Variants in IMMP2L observed in about 807,000 individuals in gnomAD.
IMMP2L encodes the protein mitochondrial inner membrane protease subunit 2.
Under a neutral mutation model 19.3 loss-of-function variants are expected in IMMP2L, and 18 were observed. The observed-to-expected ratio is 0.93, with a 90% CI of 0.64 to 1.38. The LOEUF is 1.38. Ranked by LOEUF, IMMP2L falls within the 40% of genes most tolerant of loss-of-function variation. The pLI, the probability that IMMP2L is intolerant of heterozygous loss-of-function variation, is 0.00. For synonymous variants in IMMP2L, 76 were observed against 73.0 expected, an observed-to-expected ratio of 1.04 and a Z score of -0.21; for missense variants, 233 against 218.2, an observed-to-expected ratio of 1.07 and a Z score of -0.43.
intron 3 of IMMP2L, among the ~76,000 whole-genome samples, chr7:111,424,254 G>A (rs963171906): frequency 2.0e-5 from 3 of 151,672 alleles, no homozygotes; most frequent in Non-Finnish European, 4.4e-5. Context: ...CTGTTACAAC[G>A]CAAGTGCACA....
intron 3 of IMMP2L, among the ~76,000 whole-genome samples, chr7:111,158,903 G>A (rs189767874): frequency 2.9e-3 from 447 of 152,092 alleles, no homozygotes; most frequent in Non-Finnish European, 4.6e-3. Flanking sequence ...TTAGAGTATC[G>A]ATGAAATAAA....
chr7:111,389,412 T>C (rs1443062548), intron 3 of IMMP2L, among the ~76,000 whole-genome samples: 1 of 152,110 alleles, frequency 6.6e-6, no homozygotes, highest in African/African-American at 2.4e-5. Flanking sequence ...ATTGTATCAA[T>C]ACTAGTTTCC....
chr7:110,800,390 T>A (rs1801163925), intron 5 of IMMP2L, among the ~76,000 whole-genome samples: 1 of 151,992 alleles, frequency 6.6e-6, no homozygotes. Flanking sequence ...ATAAGCTAAT[T>A]TTCAGGGTTT....
intron 3 of IMMP2L, among the ~76,000 whole-genome samples, chr7:111,187,892 A>G (rs1808446419): frequency 6.6e-6 from 1 of 152,144 alleles, no homozygotes; most frequent in Non-Finnish European, 1.5e-5. Context: ...GTACGTCAAA[A>G]TACTGCCAAG....
intron 3 of IMMP2L, among the ~76,000 whole-genome samples, chr7:110,975,857 A>T (rs1286236243): frequency 6.6e-6 from 1 of 152,180 alleles, no homozygotes; most frequent in African/African-American, 2.4e-5. Context: ...CTAACAGTAT[A>T]TCAGTTTTTC....
At chr7:111,354,319 T>C (rs927417385) in intron 3 of IMMP2L, among the ~76,000 whole-genome samples, 1 of 151,986 alleles carries the variant, frequency 6.6e-6, no homozygotes, top group Non-Finnish European at 1.5e-5. Flanking sequence ...AGAACATATA[T>C]ATTACCATCT....
chr7:111,493,835 C>T (rs1483909922), intron 2 of IMMP2L, among the ~76,000 whole-genome samples: 1 of 150,020 alleles, frequency 6.7e-6, no homozygotes, highest in Non-Finnish European at 1.5e-5. Context: ...GGTGAAACCC[C>T]GTCTCTGCCA....
chr7:110,965,265 C>T (rs776488398), intron 3 of IMMP2L, among the ~76,000 whole-genome samples: 3 of 151,942 alleles, frequency 2.0e-5, no homozygotes, highest in Non-Finnish European at 4.4e-5. Flanking sequence ...ATTCAAGTCA[C>T]ATTTTGAATT....
intron 2 of IMMP2L, among the ~76,000 whole-genome samples, chr7:111,493,671 C>CTCCA (rs1843312742): frequency 1.3e-5 from 2 of 150,354 alleles, no homozygotes; most frequent in South Asian, 4.2e-4. Flanking sequence ...CGCCACTGCA[C>CTCCA]TCCAGCCTGG....
At position 110,711,971 on chromosome 7, in the gene IMMP2L, C is replaced by G. The variant is rs2130706207; in HGVS notation, c.409-48250G>C. 6.0e-5 allele frequency among the ~76,000 whole-genome samples: 2 copies of G among 33,092 alleles called. 1 individual carries two copies. The highest frequency in any genetic ancestry group is 1.9e-3 in the South Asian group (2 of 1,046). 21.7% of individuals were successfully genotyped at this position (33,092 alleles called of 152,430 possible). ...TTGGTTTGAATGTCCTCCCGTAGCTCAGAGTATTTTGATCGTCTGAAGCCT... is the reference window on the plus strand; with the variant it reads ...TTGGTTTGAATGTCCTCCCGTAGCTGAGAGTATTTTGATCGTCTGAAGCCT... On this transcript the variant is annotated intron_variant, in intron 5 of 5. Coordinates refer to ENST00000405709, the MANE Select transcript of IMMP2L (RefSeq NM_032549.4).
intron 3 of IMMP2L, among the ~76,000 whole-genome samples, chr7:111,142,043 G>C (rs1403280029): frequency 6.6e-6 from 1 of 152,128 alleles, no homozygotes; most frequent in East Asian, 1.9e-4. Flanking sequence ...TCTGAACACA[G>C]GGTCAGGCAC....
chr7:110,829,503 T>A (rs1484828551), intron 5 of IMMP2L, among the ~76,000 whole-genome samples: 1 of 152,124 alleles, frequency 6.6e-6, no homozygotes, highest in African/African-American at 2.4e-5. Context: ...TGTTCTATAA[T>A]AAAACAACCC....
intron 5 of IMMP2L, among the ~76,000 whole-genome samples, chr7:110,705,526 T>A (rs2130674078): frequency 6.6e-6 from 1 of 152,186 alleles, no homozygotes; most frequent in African/African-American, 2.4e-5. Context: ...CAGGTCAAAA[T>A]ATTTCATCTC....
intron 2 of IMMP2L, among the ~76,000 whole-genome samples, chr7:111,492,045 C>A (rs1240701668): frequency 1.3e-5 from 2 of 151,934 alleles, no homozygotes; most frequent in Non-Finnish European, 2.9e-5. Context: ...ACCATCACAG[C>A]CTATGATTAT....
At chr7:110,815,590 T>C (rs1402742376) in intron 5 of IMMP2L, among the ~76,000 whole-genome samples, 2 of 152,144 alleles carry the variant, frequency 1.3e-5, no homozygotes, top group African/African-American at 2.4e-5. Flanking sequence ...TGAATCCATC[T>C]GGTCCTGGAC....
chr7:110,862,022 G>T (rs1312949743), intron 5 of IMMP2L, among the ~76,000 whole-genome samples: 1 of 151,954 alleles, frequency 6.6e-6, no homozygotes, highest in Non-Finnish European at 1.5e-5. Flanking sequence ...TGACTAATAT[G>T]TACAACATTA....
chr7:111,147,968 T>C (rs1005129420), intron 3 of IMMP2L, among the ~76,000 whole-genome samples: 22 of 152,064 alleles, frequency 1.4e-4, no homozygotes, highest in Non-Finnish European at 4.4e-5. Context: ...ATGTTAAAAA[T>C]ACAGTTACCA....
At chr7:110,684,425 T>C (rs1004707155) in intron 5 of IMMP2L, among the ~76,000 whole-genome samples, 31 of 152,032 alleles carry the variant, frequency 2.0e-4, no homozygotes, top group African/African-American at 7.0e-4. Flanking sequence ...GAGATTACCC[T>C]CTGGTATGGA....
chr7:111,360,969 A>G (rs1023037625), intron 3 of IMMP2L, among the ~76,000 whole-genome samples: 1 of 152,072 alleles, frequency 6.6e-6, no homozygotes, highest in African/African-American at 2.4e-5. Flanking sequence ...TATATATTTT[A>G]AATTTTCTCA....
Sources: allele counts gnomAD v4.1 joint callset (sites outside exome capture counted in the v4.1 genomes callset), GRCh38; gene constraint gnomAD v4.1.1; transcripts MANE v1.5; gene names NCBI Gene and HGNC (gene_info 2026-07-23, HGNC 2026-07-21).